ODC1: variants seen among roughly 807,000 people sequenced by gnomAD.
The protein encoded by ODC1 is ornithine decarboxylase 1, also known as ornithine decarboxylase.
Under a neutral mutation model 41.5 loss-of-function variants are expected in ODC1, and 18 were observed. The observed-to-expected ratio is 0.43, with a 90% CI of 0.30 to 0.64. The LOEUF is 0.64. Among genes scored for constraint, ODC1 ranks in the 30% least tolerant of loss-of-function variants. The pLI is 0.11. For synonymous variants in ODC1, 218 were observed against 211.6 expected (o/e 1.03, Z -0.26); for missense variants, 504 against 589.0 (o/e 0.86, Z 1.49).
Position 10,442,057 on chromosome 2 carries a change from T to A in ODC1, c.868A>T (p.Ile290Phe). ...TTTAATACAATTTTCTTGGCAATGATATTAACTGCAAGCGTGAAAGCTGAT... is the reference window on the plus strand; with the variant it reads ...TTTAATACAATTTTCTTGGCAATGAAATTAACTGCAAGCGTGAAAGCTGAT... Reference protein sequence around the residue: ...VASAFTLAVNIIAKKIVLKEQ... With the variant: ...VASAFTLAVNFIAKKIVLKEQ... The change falls in exon 9 of 12, where the codon ATC becomes TTC. Residue 290 changes from isoleucine to phenylalanine, a missense_variant. Coordinates refer to ENST00000234111, the MANE Select transcript of ODC1 (RefSeq NM_002539.3). The A allele has an allele frequency of 1.2e-6, 2 of 1,614,148 alleles. No individual in the cohort carries two copies. The highest frequency in any genetic ancestry group is 1.7e-6 in the Non-Finnish European group (2 of 1,180,016).
In ODC1 at chr2:10,444,645, A is replaced by G. The variant is rs1671949875; in HGVS notation, c.105T>C (p.Asp35=). ...CTGCCACATAGAAGGCATCCTTATC[A>G]TCCTGAAACAAGAGTGGTCACAGGT... ...DQKINEVSSS[D]DKDAFYVADL... is the part of the protein sequence containing the mutation. Residue 35 remains aspartate, a splice_region_variant and synonymous_variant, in exon 4 of 12, where the codon GAT becomes GAC. Transcript: ENST00000234111. The G allele has an allele frequency of 1.2e-6, 2 of 1,611,312 alleles. No homozygotes were observed. The highest frequency in any genetic ancestry group is 1.7e-5 in the Admixed American group (1 of 59,820).
intron 5 of ODC1, 50 bp downstream of exon 5, chr2:10,444,045 C>A: frequency 6.6e-7 from 1 of 1,517,230 alleles, no homozygotes; most frequent in South Asian, 1.3e-5. Context: ...TGATAAGAAT[C>A]CACATATCTT....
rs139506756 is a variant in ODC1, at chr2:10,442,023, G to C, written c.902C>G (p.Thr301Arg). ...TCCTTTATACATACCATCAGAGCCC[G>C]TCTGTTCCTTTAATACAATTTTCTT... Reference protein sequence around the residue: ...IAKKIVLKEQTGSDDEDESSE... With the variant: ...IAKKIVLKEQRGSDDEDESSE... The change falls in exon 9 of 12, where the codon ACG becomes AGG. Residue 301 changes from threonine (T) to arginine (R), a missense_variant. By Grantham distance (71) the Thr-to-Arg change is moderately conservative. Around this residue, in one of 3 missense-constraint regions of ODC1, gnomAD observed 447 missense variants for 524.4 expected, o/e 0.85. Coordinates refer to ENST00000234111, the MANE Select transcript of ODC1 (RefSeq NM_002539.3). 25 of 1,613,522 alleles carry C rather than the reference G, an allele frequency of 1.5e-5. No homozygotes were observed. The highest frequency in any genetic ancestry group is 1.9e-5 in the Non-Finnish European group (23 of 1,179,676).
chr2:10,447,504 T>G (rs1480136249), intron 1 of ODC1: 4 of 152,240 alleles, frequency 2.6e-5, no homozygotes, highest in African/African-American at 9.6e-5. Context: ...GTATGTCCGT[T>G]CATCTAAGCC....
chr2:10,445,286 T>C (rs1671974201), intron 1 of ODC1, 22 bp from the exon 2 acceptor site: 1 of 405,876 alleles, frequency 2.5e-6, no homozygotes, highest in Non-Finnish European at 4.6e-6. Context: ...AATAGGGAAT[T>C]TGCTGTCTAC....
chr2:10,447,213 C>T (rs1400047259), intron 1 of ODC1, among the ~76,000 whole-genome samples: 1 of 152,142 alleles, frequency 6.6e-6, no homozygotes, highest in Non-Finnish European at 1.5e-5. Context: ...GAACACCTTT[C>T]GGTCTTTCTG....
chr2:10,443,506 C>G lies in ODC1; in HGVS notation c.650G>C (p.Cys217Ser). The change falls in exon 7 of 12, where the codon TGT becomes TCT. Residue 217 changes from cysteine to serine, a missense_variant. Cys to Ser is a moderately radical substitution (Grantham distance 112). Around this residue, in one of 3 missense-constraint regions of ODC1, gnomAD observed 447 missense variants for 524.4 expected, o/e 0.85. Coordinates refer to ENST00000234111, the MANE Select transcript of ODC1 (RefSeq NM_002539.3). ...TFVQAISDAR[C>S]VFDMGAEVGF... Reference sequence around the variant, plus strand: ...TATACTCACCCCCATGTCAAAAACACAGCGGGCATCAGAGATTGCCTGCAC... The same window carrying G: ...TATACTCACCCCCATGTCAAAAACAGAGCGGGCATCAGAGATTGCCTGCAC... The G allele has an allele frequency of 6.2e-7, 1 of 1,614,036 alleles. No individual in the cohort carries two copies. Among genetic ancestry groups the G allele is most frequent in the Non-Finnish European group, 8.5e-7 (1 of 1,179,916 alleles).
rs1671786322 is a variant in ODC1 at position 10,440,560 on chromosome 2, G to A, written c.*164C>T. 3.3e-6 allele frequency: 2 copies of A among 601,318 alleles called. No homozygotes were observed. The highest frequency in any genetic ancestry group is 1.9e-5 in the African/African-American group (1 of 53,044). The allele number at this position is 601,318 out of a possible 1,614,324, so 37.2% of individuals were successfully genotyped here. The stretch of plus-strand genomic sequence containing the variant: ...ACAAATATTCAAATAGTTTCCATAG[G>A]AACACAGATAAGTGTGACCCATATC... On this transcript the variant is annotated 3_prime_UTR_variant, in exon 12 of 12. Coordinates refer to ENST00000234111, the MANE Select transcript of ODC1 (RefSeq NM_002539.3).
chr2:10,443,874 G>C, intron 5 of ODC1, 38 bp from the exon 6 acceptor site: 1 of 1,608,794 alleles, frequency 6.2e-7, no homozygotes, highest in Non-Finnish European at 8.5e-7. Context: ...TCTCATGATA[G>C]ATGTTCACTT....
Position 10,443,764 on chromosome 2 carries a change from G to A in ODC1, c.522C>T (p.Leu174=), listed in dbSNP as rs894849321. 18 of 1,614,074 alleles carry A rather than the reference G, an allele frequency of 1.1e-5. No individual in the cohort carries two copies. Among genetic ancestry groups the A allele is most frequent in the African/African-American group, 1.1e-4 (8 of 74,928 alleles). The change falls in exon 6 of 12, where the codon CTC becomes CTT. Residue 174 remains leucine, a synonymous_variant. Transcript: ENST00000234111. ...GTTCCAAAAGGAGCCTGCTGGTTCT[G>A]AGCGTGGCACCGAATTTCACACTGA... The part of the protein sequence containing the change: ...CRLSVKFGAT[L]RTSRLLLERA...
chr2:10,447,057 T>A (rs564977849), intron 1 of ODC1, among the ~76,000 whole-genome samples: 1 of 152,238 alleles, frequency 6.6e-6, no homozygotes, highest in Non-Finnish European at 1.5e-5. Context: ...ACTGGGTCAT[T>A]TGAGGCCTTA....
At chr2:10,447,106 A>G (rs1009927660) in intron 1 of ODC1, among the ~76,000 whole-genome samples, 2 of 152,186 alleles carry the variant, frequency 1.3e-5, no homozygotes, top group African/African-American at 2.4e-5. Flanking sequence ...CTAAACTTGG[A>G]AAGTTTTGAT....
At position 10,441,841 on chromosome 2, in the gene ODC1, T is replaced by C. The variant is rs774610537; in HGVS notation, c.1002A>G (p.Ala334=). 1.9e-6 allele frequency: 3 copies of C among 1,614,076 alleles called. No individual in the cohort carries two copies. The highest frequency in any genetic ancestry group is 2.5e-6 in the Non-Finnish European group (3 of 1,180,036). ...CCTTTTGCAGAAGGGGCTTTACATG[T>C]GCGTGGTCATAGAGTATGCAATTAA... is the stretch of plus-strand genomic sequence containing the variant. ...GSFNCILYDH[A]HVKPLLQKRP... Residue 334 remains alanine, a synonymous_variant, in exon 10 of 12, where the codon GCA becomes GCG. Coordinates refer to ENST00000234111, the MANE Select transcript of ODC1 (RefSeq NM_002539.3).
rs779346280 is a variant in ODC1 at position 10,442,008 on chromosome 2, A to G, written c.913+4T>C. The G allele has an allele frequency of 6.2e-6, 10 of 1,613,230 alleles. No individual in the cohort carries two copies. The East Asian group carries it at 6.7e-5, about 11-fold the overall frequency. On this transcript the variant is annotated splice_donor_region_variant and intron_variant, in intron 9 of 11. Coordinates refer to ENST00000234111, the MANE Select transcript of ODC1 (RefSeq NM_002539.3). ...ACATGAAGTGATTCGTCCTTTATAC[A>G]TACCATCAGAGCCCGTCTGTTCCTT... is the stretch of plus-strand genomic sequence containing the variant.
chr2:10,441,782 T>A (rs754512899), intron 10 of ODC1, 35 bp downstream of exon 10: 27 of 1,612,338 alleles, frequency 1.7e-5, no homozygotes, highest in Non-Finnish European at 2.2e-5. Flanking sequence ...TGACCAGTCC[T>A]CTTAATTGTT....
intron 6 of ODC1, 51 bp downstream of exon 6, chr2:10,443,651 A>C: frequency 1.9e-6 from 3 of 1,607,350 alleles, no homozygotes; most frequent in Non-Finnish European, 1.7e-6. Flanking sequence ...AAGCCTGTAA[A>C]ACTCAAACTG....
At position 10,444,573 on chromosome 2, in the gene ODC1, G is replaced by A. The variant is rs187081116; in HGVS notation, c.177C>T (p.Leu59=). ...LKKHLRWLKA[L]PRVTPFYAVK... is the part of the protein sequence containing the mutation. ...CTGCATAAAAGGGGGTGACACGAGGGAGAGCTTTTAACCACCTCAGATGTT... is the reference window on the plus strand; with the variant it reads ...CTGCATAAAAGGGGGTGACACGAGGAAGAGCTTTTAACCACCTCAGATGTT... The change falls in exon 4 of 12, where the codon CTC becomes CTT. Residue 59 remains leucine (L), a synonymous_variant. Coordinates refer to ENST00000234111, the MANE Select transcript of ODC1 (RefSeq NM_002539.3). 1.2e-6 allele frequency: 2 copies of A among 1,614,080 alleles called. No individual in the cohort carries two copies. Among genetic ancestry groups the A allele is most frequent in the Middle Eastern group, 1.7e-4 (1 of 6,046 alleles).
At chr2:10,442,656 T>G (rs1194321280) in intron 8 of ODC1, among the ~76,000 whole-genome samples, 3 of 152,106 alleles carry the variant, frequency 2.0e-5, no homozygotes, top group South Asian at 2.1e-4. Flanking sequence ...AAAGCACATT[T>G]GGGGTGATGA....
chr2:10,444,867 G>T, intron 3 of ODC1, 64 bp downstream of exon 3: 1 of 1,218,656 alleles, frequency 8.2e-7, no homozygotes, highest in Non-Finnish European at 1.2e-6. Flanking sequence ...CTTAGACCTT[G>T]CCAAAGTTTT....
Sources: gnomAD v4.1 joint callset for allele counts (sites outside exome capture counted in the v4.1 genomes callset) on GRCh38, gnomAD v4.1.1 for gene constraint, gnomAD v4.1.1 regional missense constraint, MANE v1.5 for transcripts, NCBI Gene and HGNC (gene_info 2026-07-23, HGNC 2026-07-21) for gene names.